Variants in PDE10A observed in about 807,000 individuals in gnomAD.
PDE10A encodes the protein cAMP and cAMP-inhibited cGMP 3',5'-cyclic phosphodiesterase 10A.
Under a neutral mutation model 97.7 loss-of-function variants are expected in PDE10A, and 39 were observed. That is an observed-to-expected ratio of 0.40 (90% CI 0.31 to 0.52). PDE10A has a LOEUF of 0.52. Ranked by LOEUF, PDE10A falls within the 20% of genes least tolerant of loss-of-function variation. PDE10A has a pLI of 0.56. For synonymous variants in PDE10A, 371 were observed against 376.8 expected, an observed-to-expected ratio of 0.98 and a Z score of 0.18; for missense variants, 731 against 1,047.8, an observed-to-expected ratio of 0.70 and a Z score of 4.17.
intron 1 of PDE10A, among the ~76,000 whole-genome samples, chr6:165,846,507 T>A (rs1780423200): frequency 6.6e-6 from 1 of 152,254 alleles, no homozygotes; most frequent in African/African-American, 2.4e-5. Context: ...AGAAGGATGT[T>A]AGAGTTAGCG....
chr6:165,480,426 T>A (rs1011535171), intron 3 of PDE10A, among the ~76,000 whole-genome samples: 1 of 149,610 alleles, frequency 6.7e-6, no homozygotes, highest in African/African-American at 2.5e-5. Context: ...CATCTCTATT[T>A]AAAAAAAAAA....
intron 1 of PDE10A, among the ~76,000 whole-genome samples, chr6:165,794,184 A>G: frequency 6.7e-6 from 1 of 150,360 alleles, no homozygotes; most frequent in Non-Finnish European, 1.5e-5. Context: ...TCCCTCCCAC[A>G]CTCACGCACT....
intron 7 of PDE10A, among the ~76,000 whole-genome samples, chr6:165,432,093 C>T (rs2128238257): frequency 6.6e-6 from 1 of 152,258 alleles, no homozygotes; most frequent in South Asian, 2.1e-4. Flanking sequence ...AGGCACTATT[C>T]TAGGTGCTGG....
At chr6:165,684,391 T>C (rs1378843399) in intron 1 of PDE10A, among the ~76,000 whole-genome samples, 1 of 152,250 alleles carries the variant, frequency 6.6e-6, no homozygotes, top group African/African-American at 2.4e-5. Context: ...TAAATATTTG[T>C]TCATCGAATA....
chr6:165,383,859 A>G (rs923882434), intron 17 of PDE10A, among the ~76,000 whole-genome samples: 1 of 152,138 alleles, frequency 6.6e-6, no homozygotes, highest in Non-Finnish European at 1.5e-5. Flanking sequence ...TCATGTGGGG[A>G]TACACTCAAA....
At chr6:165,926,083 G>T (rs1183560429) in intron 1 of PDE10A, among the ~76,000 whole-genome samples, 2 of 152,180 alleles carry the variant, frequency 1.3e-5, no homozygotes, top group African/African-American at 4.8e-5. Context: ...CAGAAAATAT[G>T]CAGTGTACTT....
intron 1 of PDE10A, among the ~76,000 whole-genome samples, chr6:165,917,837 C>T (rs1782650038): frequency 6.6e-6 from 1 of 152,178 alleles, no homozygotes; most frequent in African/African-American, 2.4e-5. Flanking sequence ...CTCACGGGTT[C>T]TCTGAGCCGG....
At chr6:165,677,570 G>A (rs80187629) in intron 1 of PDE10A, among the ~76,000 whole-genome samples, 1,973 of 152,224 alleles carry the variant, frequency 0.013, 44 homozygotes, top group African/African-American at 0.045. Flanking sequence ...CGTTTACATC[G>A]TATTAGGTAT....
At chr6:165,599,686 GCAAGCAAGCACCCTCCT>G (rs1786818954) in intron 1 of PDE10A, among the ~76,000 whole-genome samples, 1 of 152,170 alleles carries the variant, frequency 6.6e-6, no homozygotes, top group South Asian at 2.1e-4. Flanking sequence ...TATCATGTGA[GCAAGCAAGCACCCTCCT>G]CACCATATAA....
At chr6:165,518,471 G>C (rs1160500626) in intron 2 of PDE10A, among the ~76,000 whole-genome samples, 2 of 152,098 alleles carry the variant, frequency 1.3e-5, no homozygotes, top group African/African-American at 4.8e-5. Flanking sequence ...GAGTCTCCAC[G>C]CTGCAGATGC....
Position 165,683,937 on chromosome 6 carries a change from C to T in PDE10A, c.-614-140369G>A, listed in dbSNP as rs751906881. 2.1e-4 allele frequency among the ~76,000 whole-genome samples: 32 copies of T among 152,196 alleles called. 1 individual carries two copies. Among genetic ancestry groups the T allele is most frequent in the Non-Finnish European group, 1.0e-4 (7 of 68,026 alleles). On this transcript the variant is annotated intron_variant, in intron 1 of 19. Transcript: ENST00000366882. ...CTGGCCACACCACCTCCTGGCTATT[C>T]CTCAGATATACCAGGTACTGAGACG...
chr6:165,407,118 T>C (rs1036203674), intron 13 of PDE10A, among the ~76,000 whole-genome samples: 3 of 152,192 alleles, frequency 2.0e-5, no homozygotes, highest in African/African-American at 7.2e-5. Flanking sequence ...CGTGTATCTA[T>C]TCATCTATAT....
intron 1 of PDE10A, among the ~76,000 whole-genome samples, chr6:165,897,054 G>A (rs1781971964): frequency 6.6e-6 from 1 of 152,160 alleles, no homozygotes; most frequent in Non-Finnish European, 1.5e-5. Context: ...CCATCTTGAG[G>A]CACTCAACAG....
chr6:165,396,553 G>A (rs1786178507), intron 13 of PDE10A, 94 bp from the exon 14 acceptor site: 1 of 1,256,182 alleles, frequency 8.0e-7, no homozygotes, highest in South Asian at 1.5e-5. Flanking sequence ...TAAAGAATCA[G>A]AACTAGAATT....
At chr6:165,626,101 C>T (rs1005605484) in intron 1 of PDE10A, among the ~76,000 whole-genome samples, 2 of 152,128 alleles carry the variant, frequency 1.3e-5, no homozygotes, top group African/African-American at 4.8e-5. Context: ...AAGAAGGGTC[C>T]TGGGGATCAA....
intron 1 of PDE10A, among the ~76,000 whole-genome samples, chr6:165,857,822 G>C (rs1780791001): frequency 1.3e-5 from 2 of 152,098 alleles, no homozygotes; most frequent in African/African-American, 4.8e-5. Flanking sequence ...AACAGAGGAA[G>C]TCTGTATCAC....
intron 1 of PDE10A, among the ~76,000 whole-genome samples, chr6:165,749,726 C>G (rs1792953421): frequency 6.6e-6 from 1 of 152,226 alleles, no homozygotes; most frequent in Non-Finnish European, 1.5e-5. Context: ...ATATGAAAAA[C>G]TATTTCATCT....
At chr6:165,441,486 T>C (rs909417136) in intron 5 of PDE10A, among the ~76,000 whole-genome samples, 9 of 152,192 alleles carry the variant, frequency 5.9e-5, no homozygotes, top group Non-Finnish European at 8.8e-5. Flanking sequence ...AAATGGTAAA[T>C]TAAGGTTTAG....
chr6:165,604,226 A>T (rs1339549069), intron 1 of PDE10A, among the ~76,000 whole-genome samples: 1 of 152,200 alleles, frequency 6.6e-6, no homozygotes, highest in African/African-American at 2.4e-5. Context: ...ATGGGTCTGT[A>T]GTAAAGCGCT....
Sources: gnomAD v4.1 joint callset for allele counts (sites outside exome capture counted in the v4.1 genomes callset) on GRCh38, gnomAD v4.1.1 for gene constraint, MANE v1.5 for transcripts, NCBI Gene and HGNC (gene_info 2026-07-23, HGNC 2026-07-21) for gene names.